Variants in COL23A1 observed in about 807,000 individuals in gnomAD.
The protein encoded by COL23A1 is collagen alpha-1(XXIII) chain.
COL23A1 carries 97 observed loss-of-function variants against 99.3 expected under a neutral mutation model. The observed-to-expected ratio is 0.98, with a 90% CI of 0.83 to 1.16. The LOEUF (loss-of-function observed/expected upper bound fraction) is 1.16. Among genes scored for constraint, COL23A1 ranks in the 50% most tolerant of loss-of-function variants. The probability of loss-of-function intolerance (pLI) is 0.00; values close to 1 mark genes in which losing one functional copy is unlikely to be tolerated. For synonymous variants in COL23A1, 320 were observed against 308.2 expected (o/e 1.04, Z -0.40); for missense variants, 762 against 757.4 (o/e 1.01, Z -0.07).
chr5:178,313,974 C>G lies in COL23A1; in HGVS notation c.362-7055G>C, dbSNP rs749644154. 9.9e-5 allele frequency among the ~76,000 whole-genome samples: 15 copies of G among 152,110 alleles called. No homozygotes were observed. The highest frequency in any genetic ancestry group is 1.8e-4 in the Non-Finnish European group (12 of 68,016). ...AGCTGAAAACTGCCCAACAAGGGAG[C>G]ATTCTCTCTGCACATTCCCAGCTTG... On this transcript the variant is annotated intron_variant, in intron 2 of 28. Transcript: ENST00000390654. The surrounding 1 kb of genome is among the most constrained non-coding windows in gnomAD (Gnocchi z 4.2).
At chr5:178,257,698 T>G in intron 12 of COL23A1, 131 bp from the exon 13 acceptor site, 8 of 893,884 alleles carry the variant, frequency 8.9e-6, no homozygotes, top group Non-Finnish European at 1.3e-5. Flanking sequence ...AGGCAGCTCC[T>G]CCCCACCCTC....
chr5:178,435,608 A>G (rs1766515024), intron 2 of COL23A1, among the ~76,000 whole-genome samples: 1 of 152,146 alleles, frequency 6.6e-6, no homozygotes, highest in African/African-American at 2.4e-5. Context: ...CTAGATAACT[A>G]CAGGATGCAT....
intron 2 of COL23A1, among the ~76,000 whole-genome samples, chr5:178,406,588 CCTGA>C (rs2127773668): frequency 6.6e-6 from 1 of 152,220 alleles, no homozygotes; most frequent in South Asian, 2.1e-4. Context: ...CGCCACCATG[CCTGA>C]CTAATTTTTG....
chr5:178,520,624 G>T lies in COL23A1; in HGVS notation c.361+40058C>A, dbSNP rs992330410. On this transcript the variant is annotated intron_variant, in intron 2 of 28. Coordinates refer to ENST00000390654, the MANE Select transcript of COL23A1 (RefSeq NM_173465.4). The stretch of plus-strand genomic sequence containing the variant: ...GTGTTCAGAAGTGAGGTGGACCAGG[G>T]TTCCAATTTCAGCCCAGCCACATAT... 2.0e-5 allele frequency among the ~76,000 whole-genome samples: 3 copies of T among 152,294 alleles called. No homozygotes were observed. The East Asian group carries it at 5.8e-4, about 29-fold the overall frequency.
intron 2 of COL23A1, among the ~76,000 whole-genome samples, chr5:178,442,560 A>T (rs1297775477): frequency 6.6e-6 from 1 of 152,168 alleles, no homozygotes; most frequent in Admixed American, 6.5e-5. Flanking sequence ...GGGGAGCACC[A>T]GCGTGCTTCC....
At chr5:178,398,919 C>T (rs986285891) in intron 2 of COL23A1, among the ~76,000 whole-genome samples, 2 of 152,238 alleles carry the variant, frequency 1.3e-5, no homozygotes, top group Non-Finnish European at 2.9e-5. Context: ...CTGGCACTGA[C>T]GAGCTGCCCC....
At chr5:178,342,861 C>G (rs574436908) in intron 2 of COL23A1, among the ~76,000 whole-genome samples, 13 of 152,140 alleles carry the variant, frequency 8.5e-5, no homozygotes, top group Non-Finnish European at 1.5e-4. Context: ...TACTGCAACA[C>G]ATTCGAGTGA....
intron 27 of COL23A1, 142 bp from the exon 28 acceptor site, chr5:178,239,321 C>G (rs1226997885): frequency 1.2e-6 from 1 of 866,274 alleles, no homozygotes; most frequent in African/African-American, 1.7e-5. Flanking sequence ...GGCAGGGGCA[C>G]AATGCCTCCT....
chr5:178,414,977 G>C (rs989422006), intron 2 of COL23A1, among the ~76,000 whole-genome samples: 1 of 152,108 alleles, frequency 6.6e-6, no homozygotes, highest in Non-Finnish European at 1.5e-5. Context: ...GGAGTGGGGT[G>C]AAAGGAGAGC....
At chr5:178,459,374 A>G (rs1755989049) in intron 2 of COL23A1, among the ~76,000 whole-genome samples, 1 of 152,222 alleles carries the variant, frequency 6.6e-6, no homozygotes, top group African/African-American at 2.4e-5. Flanking sequence ...ATATGAAACA[A>G]GAAGAATTGT....
chr5:178,256,688 C>T (rs576669993), intron 14 of COL23A1, among the ~76,000 whole-genome samples, 178 bp downstream of exon 14: 2 of 152,304 alleles, frequency 1.3e-5, no homozygotes, highest in African/African-American at 2.4e-5. Flanking sequence ...TGCCACTCAC[C>T]CAGATTCACC....
rs960340640 is a variant in COL23A1 at position 178,313,712 on chromosome 5, C to T, written c.362-6793G>A. On this transcript the variant is annotated intron_variant, in intron 2 of 28. Transcript: ENST00000390654. This position sits in a 1 kb window ranked among gnomAD's most constrained non-coding sequence, Gnocchi z 4.2. ...TGGTCCTTCTCAACACCACTGGAAG[C>T]CCCTTTATATGACCCTCTTCCCAGA... Among the ~76,000 whole-genome samples, 2 of 152,144 alleles carry T rather than the reference C, an allele frequency of 1.3e-5. No homozygotes were observed. Among genetic ancestry groups the T allele is most frequent in the Non-Finnish European group, 2.9e-5 (2 of 68,030 alleles).
At position 178,572,072 on chromosome 5, in the gene COL23A1, C is replaced by CAAAAAAAAAAAAAA. The variant is rs57863132; in HGVS notation, c.295-11325_295-11324insTTTTTTTTTTTTTT. 3.5e-3 allele frequency among the ~76,000 whole-genome samples: 381 copies of CAAAAAAAAAAAAAA among 109,406 alleles called. 33 individuals carry two copies. The highest frequency in any genetic ancestry group is 0.012 in the African/African-American group (319 of 25,628). 71.8% of individuals were successfully genotyped at this position (109,406 alleles called of 152,430 possible). A position where few individuals can be genotyped will look rare whatever the true frequency, so the allele number is the denominator to read the frequency against. ...GACAGAGCGAGACTCTTTCTCAAAA[C>CAAAAAAAAAAAAAA]AAAAAAAAAAAAGACCTAAACTGAA... On this transcript the variant is annotated intron_variant, in intron 1 of 28. Coordinates refer to ENST00000390654, the MANE Select transcript of COL23A1 (RefSeq NM_173465.4).
chr5:178,257,710 T>C, intron 12 of COL23A1, 143 bp from the exon 13 acceptor site: 2 of 829,220 alleles, frequency 2.4e-6, no homozygotes, highest in East Asian at 2.7e-5. Flanking sequence ...CCCACCCTCC[T>C]TGCCCCTCCA....
At position 178,281,774 on chromosome 5, in the gene COL23A1, G is replaced by T. The variant is rs1756912905; in HGVS notation, c.441+6550C>A. On this transcript the variant is annotated intron_variant, in intron 5 of 28. Coordinates refer to ENST00000390654, the MANE Select transcript of COL23A1 (RefSeq NM_173465.4). This position sits in a 1 kb window ranked among gnomAD's most constrained non-coding sequence, Gnocchi z 4.0. ...TTAAAACAGACGGGGATTCGGCCAG[G>T]ATTGGCAGCTCATGCCTGTAATCCT... is the stretch of plus-strand genomic sequence containing the variant. Among the ~76,000 whole-genome samples, 2 of 152,112 alleles carry T rather than the reference G, an allele frequency of 1.3e-5. No individual in the cohort carries two copies. The highest frequency in any genetic ancestry group is 2.9e-5 in the Non-Finnish European group (2 of 68,028).
At chr5:178,478,420 C>T (rs1757145883) in intron 2 of COL23A1, among the ~76,000 whole-genome samples, 1 of 152,224 alleles carries the variant, frequency 6.6e-6, no homozygotes, top group South Asian at 2.1e-4. Flanking sequence ...AACGATAGTG[C>T]CATTTCTTAT....
intron 2 of COL23A1, among the ~76,000 whole-genome samples, chr5:178,437,031 A>G (rs1242252745): frequency 6.6e-6 from 1 of 151,948 alleles, no homozygotes; most frequent in Non-Finnish European, 1.5e-5. Flanking sequence ...AGGGATTTGA[A>G]CCTGGGACTG....
chr5:178,350,597 C>A (rs1332519583), intron 2 of COL23A1, among the ~76,000 whole-genome samples: 1 of 152,162 alleles, frequency 6.6e-6, no homozygotes, highest in Non-Finnish European at 1.5e-5. Flanking sequence ...ATTATAACCC[C>A]GGGTTCCAAG....
chr5:178,423,102 G>A (rs1765722368), intron 2 of COL23A1, among the ~76,000 whole-genome samples: 1 of 151,996 alleles, frequency 6.6e-6, no homozygotes, highest in Admixed American at 6.6e-5. Context: ...CAGTAGCTGG[G>A]ACCCCAGGCA....
Sources: allele counts gnomAD v4.1 joint callset (sites outside exome capture counted in the v4.1 genomes callset), GRCh38; gene constraint gnomAD v4.1.1; non-coding constraint Gnocchi (gnomAD v3.1); transcripts MANE v1.5; gene names NCBI Gene and HGNC (gene_info 2026-07-23, HGNC 2026-07-21).